PLD5: variants seen among roughly 807,000 people sequenced by gnomAD.
PLD5 encodes phospholipase D family member 5, also known as inactive phospholipase D5.
Under a neutral mutation model 61.1 loss-of-function variants are expected in PLD5, and 36 were observed. The ratio of observed to expected loss-of-function variants is 0.59; its 90% CI spans 0.45 to 0.78. The LOEUF is 0.78. PLD5 is among the 30% of genes least tolerant of loss of function. The pLI is 0.00. For missense variants in PLD5, 515 were observed against 644.4 expected (o/e 0.80, Z 2.17); for synonymous variants, 243 against 242.8 (o/e 1.00, Z -0.01).
At chr1:242,126,548 C>T (rs548239875) in intron 5 of PLD5, among the ~76,000 whole-genome samples, 5 of 152,254 alleles carry the variant, frequency 3.3e-5, no homozygotes, top group Admixed American at 1.3e-4. Context: ...CAAACAAAAA[C>T]ATAAAGTGGG....
At chr1:242,129,978 CT>C (rs542987956) in intron 5 of PLD5, among the ~76,000 whole-genome samples, 1 of 151,760 alleles carries the variant, frequency 6.6e-6, no homozygotes, top group Non-Finnish European at 1.5e-5. Flanking sequence ...TGATTTCATT[CT>C]TTTTTGTGGC....
chr1:242,384,126 ATCT>A (rs1268326416), intron 1 of PLD5, among the ~76,000 whole-genome samples: 9 of 152,242 alleles, frequency 5.9e-5, no homozygotes, highest in African/African-American at 1.9e-4. Context: ...TATCTTTATA[ATCT>A]TCTCAGGATC....
intron 1 of PLD5, among the ~76,000 whole-genome samples, chr1:242,352,674 A>G (rs553709411): frequency 2.3e-4 from 35 of 152,304 alleles, no homozygotes; most frequent in African/African-American, 8.2e-4. Flanking sequence ...CCAACAGTGC[A>G]TAAGTTCCCT....
At chr1:242,257,235 GT>G (rs772286914) in intron 4 of PLD5, among the ~76,000 whole-genome samples, 4 of 152,100 alleles carry the variant, frequency 2.6e-5, no homozygotes, top group East Asian at 3.9e-4. Flanking sequence ...ACAAAACCTT[GT>G]AAAAAAAAGT....
rs142574746 is a variant in PLD5 at position 242,184,495 on chromosome 1, A to G, written c.735+35493T>C. ...GCAATTCTTGTGCCTCAGCCTTCCA[A>G]GTAGCTGGGGTTACAGGAGCCCACC... On this transcript the variant is annotated intron_variant, in intron 5 of 9. Transcript: ENST00000536534. 5.6e-3 allele frequency among the ~76,000 whole-genome samples: 859 copies of G among 152,200 alleles called. 1 individual carries two copies. Among genetic ancestry groups the G allele is most frequent in the Admixed American group, 9.7e-3 (148 of 15,298 alleles).
At chr1:242,184,208 A>C (rs1001049368) in intron 5 of PLD5, among the ~76,000 whole-genome samples, 5 of 152,186 alleles carry the variant, frequency 3.3e-5, no homozygotes, top group African/African-American at 9.7e-5. Flanking sequence ...ATGAACACTG[A>C]AATTATGAAC....
At chr1:242,448,917 A>G (rs1666664143) in intron 1 of PLD5, among the ~76,000 whole-genome samples, 2 of 152,248 alleles carry the variant, frequency 1.3e-5, no homozygotes, top group Admixed American at 1.3e-4. Flanking sequence ...CAGAACGGTG[A>G]CAATTCAAAG....
chr1:242,145,996 G>A (rs1177132239), intron 5 of PLD5, among the ~76,000 whole-genome samples: 4 of 152,192 alleles, frequency 2.6e-5, no homozygotes, highest in Non-Finnish European at 5.9e-5. Context: ...TTACTTAAAA[G>A]TACATAGGAA....
At chr1:242,316,684 A>T (rs947745693) in intron 2 of PLD5, among the ~76,000 whole-genome samples, 1 of 152,048 alleles carries the variant, frequency 6.6e-6, no homozygotes, top group Non-Finnish European at 1.5e-5. Flanking sequence ...TGTCATGGGG[A>T]TTTATAGTGA....
At chr1:242,379,757 A>G (rs560885391) in intron 1 of PLD5, among the ~76,000 whole-genome samples, 2 of 152,222 alleles carry the variant, frequency 1.3e-5, no homozygotes, top group South Asian at 4.1e-4. Context: ...AAGTTCAGGG[A>G]GAGTATACGT....
intron 2 of PLD5, among the ~76,000 whole-genome samples, chr1:242,310,691 G>A (rs1676648006): frequency 6.6e-6 from 1 of 152,194 alleles, no homozygotes; most frequent in African/African-American, 2.4e-5. Context: ...GTAACCTGCT[G>A]AGAAAATAAC....
chr1:242,468,825 C>G (rs183375332), intron 1 of PLD5, among the ~76,000 whole-genome samples: 1 of 152,186 alleles, frequency 6.6e-6, no homozygotes, highest in Non-Finnish European at 1.5e-5. Context: ...ATAATTCTTA[C>G]TATGCATCAT....
At chr1:242,460,257 C>A (rs1667076142) in intron 1 of PLD5, among the ~76,000 whole-genome samples, 3 of 152,186 alleles carry the variant, frequency 2.0e-5, no homozygotes, top group Non-Finnish European at 4.4e-5. Flanking sequence ...CCCGCCCTCA[C>A]TAAACTTAAT....
At chr1:242,466,985 C>A (rs933860982) in intron 1 of PLD5, among the ~76,000 whole-genome samples, 1 of 151,826 alleles carries the variant, frequency 6.6e-6, no homozygotes, top group Non-Finnish European at 1.5e-5. Flanking sequence ...AGATGTAGTT[C>A]AAAGGCTAAC....
chr1:242,122,823 T>A (rs986830958), intron 6 of PLD5, among the ~76,000 whole-genome samples: 1 of 152,226 alleles, frequency 6.6e-6, no homozygotes, highest in African/African-American at 2.4e-5. Context: ...ACTTCTAAAT[T>A]TTCTGCTGGT....
At chr1:242,452,363 C>G (rs773634988) in intron 1 of PLD5, among the ~76,000 whole-genome samples, 5 of 152,126 alleles carry the variant, frequency 3.3e-5, no homozygotes, top group Non-Finnish European at 5.9e-5. Flanking sequence ...TTACACTTTT[C>G]AGCTTGATCT....
chr1:242,233,991 C>A (rs1284380319), intron 4 of PLD5, among the ~76,000 whole-genome samples: 2 of 152,152 alleles, frequency 1.3e-5, no homozygotes, highest in Non-Finnish European at 2.9e-5. Flanking sequence ...AAGATGGTTC[C>A]ATTCCAAGCC....
intron 1 of PLD5, among the ~76,000 whole-genome samples, chr1:242,475,472 G>C (rs1306009510): frequency 1.3e-5 from 2 of 151,546 alleles, no homozygotes; most frequent in Non-Finnish European, 2.9e-5. Flanking sequence ...TCCACCTTGT[G>C]GGGAATGAAG....
At chr1:242,310,110 C>G (rs184994740) in intron 2 of PLD5, among the ~76,000 whole-genome samples, 58 of 152,210 alleles carry the variant, frequency 3.8e-4, no homozygotes, top group African/African-American at 1.3e-3. Flanking sequence ...CCAAAAGCAT[C>G]CTTGCACAGC....
Sources: gnomAD v4.1 joint callset for allele counts (sites outside exome capture counted in the v4.1 genomes callset) on GRCh38, gnomAD v4.1.1 for gene constraint, MANE v1.5 for transcripts, NCBI Gene and HGNC (gene_info 2026-07-23, HGNC 2026-07-21) for gene names.